The following ARFGEF2 variants were observed in gnomAD, a reference collection of about 807,000 sequenced individuals.
ARFGEF2 encodes the protein brefeldin A-inhibited guanine nucleotide-exchange protein 2.
Under a neutral mutation model 219.9 loss-of-function variants are expected in ARFGEF2, and 74 were observed. The ratio of observed to expected loss-of-function variants is 0.34; its 90% CI spans 0.28 to 0.41. ARFGEF2 has a LOEUF of 0.41. Among genes scored for constraint, ARFGEF2 ranks in the 10% least tolerant of loss-of-function variants. The pLI is 1.00. For missense variants in ARFGEF2, 1,743 were observed against 2,218.3 expected (o/e 0.79, Z 4.30); for synonymous variants, 733 against 799.2 (o/e 0.92, Z 1.40).
chr20:48,967,342 A>G (rs1290187867), intron 8 of ARFGEF2, among the ~76,000 whole-genome samples: 2 of 152,238 alleles, frequency 1.3e-5, no homozygotes, highest in Admixed American at 6.5e-5. Flanking sequence ...CTATTAACCA[A>G]TTCCCTATTG....
chr20:48,941,050 C>A (rs1205979406), intron 1 of ARFGEF2, 149 bp from the exon 2 acceptor site: 19 of 727,644 alleles, frequency 2.6e-5, no homozygotes, highest in Non-Finnish European at 4.3e-5. Flanking sequence ...ATTGCTGTTA[C>A]AATTATTTCT....
intron 33 of ARFGEF2, among the ~76,000 whole-genome samples, chr20:49,018,037 C>T (rs1334187598): frequency 6.6e-6 from 1 of 152,156 alleles, no homozygotes; most frequent in Non-Finnish European, 1.5e-5. Context: ...TTCCTCTTCA[C>T]CAAAGAAGTG....
At chr20:49,010,199 A>G in intron 26 of ARFGEF2, 33 bp from the exon 27 acceptor site, 5 of 1,604,914 alleles carry the variant, frequency 3.1e-6, no homozygotes, top group Non-Finnish European at 4.3e-6. Flanking sequence ...TCTCCAAAGT[A>G]CAGACGATAT....
At chr20:48,934,757 A>T (rs1024505040) in intron 1 of ARFGEF2, among the ~76,000 whole-genome samples, 2 of 152,168 alleles carry the variant, frequency 1.3e-5, no homozygotes, top group African/African-American at 4.8e-5. Context: ...TCTATCATTA[A>T]TGGGCATTCG....
chr20:48,999,442 C>A (rs2091411195), intron 25 of ARFGEF2, among the ~76,000 whole-genome samples: 1 of 151,828 alleles, frequency 6.6e-6, no homozygotes, highest in Admixed American at 6.6e-5. Context: ...AAACTGGGAA[C>A]AAAGCAATCA....
chr20:48,999,525 G>T (rs1358187692), intron 25 of ARFGEF2, among the ~76,000 whole-genome samples: 1 of 152,242 alleles, frequency 6.6e-6, no homozygotes, highest in South Asian at 2.1e-4. Flanking sequence ...GAGGCAGGTG[G>T]ATCACAGGTC....
At chr20:48,966,811 A>G (rs930758958) in intron 8 of ARFGEF2, among the ~76,000 whole-genome samples, 2 of 152,138 alleles carry the variant, frequency 1.3e-5, no homozygotes, top group East Asian at 1.9e-4. Context: ...TGCTACATGT[A>G]TATCTGTGCT....
At chr20:49,020,199 T>C (rs2123547196) in intron 34 of ARFGEF2, among the ~76,000 whole-genome samples, 1 of 152,334 alleles carries the variant, frequency 6.6e-6, no homozygotes, top group African/African-American at 2.4e-5. Context: ...TGTGCCCCAT[T>C]GTTTGCCTTT....
intron 2 of ARFGEF2, 130 bp downstream of exon 2, chr20:48,941,359 G>T: frequency 1.1e-6 from 1 of 948,308 alleles, no homozygotes; most frequent in South Asian, 1.4e-5. Context: ...CTGCAAGCAT[G>T]GTGCTAGGCA....
intron 1 of ARFGEF2, among the ~76,000 whole-genome samples, chr20:48,936,100 C>T (rs1189429905): frequency 7.3e-6 from 1 of 136,554 alleles, no homozygotes; most frequent in African/African-American, 2.8e-5. Context: ...CCCTCCCGGA[C>T]GGGGCGGCTG....
At chr20:48,961,956 A>C (rs1312371026) in intron 6 of ARFGEF2, among the ~76,000 whole-genome samples, 1 of 151,992 alleles carries the variant, frequency 6.6e-6, no homozygotes, top group East Asian at 1.9e-4. Context: ...AGGTGGGTGG[A>C]TCACCTGAGG....
intron 37 of ARFGEF2, 66 bp from the exon 38 acceptor site, chr20:49,031,983 G>T: frequency 9.4e-7 from 1 of 1,064,468 alleles, no homozygotes; most frequent in Non-Finnish European, 1.5e-6. Context: ...AGAATGAATA[G>T]TTCTCCCCTG....
At position 48,922,025 on chromosome 20, in the gene ARFGEF2, C is replaced by T; in HGVS notation, c.121+15C>T. On this transcript the variant is annotated intron_variant, in intron 1 of 38. Coordinates refer to ENST00000371917, the MANE Select transcript of ARFGEF2 (RefSeq NM_006420.3). ...GGTGGCGCTCGGTGGGTGAGCCGCTCCCGCCCTGCCCCGCGCTGGCCTCAG... is the reference window on the plus strand; with the variant it reads ...GGTGGCGCTCGGTGGGTGAGCCGCTTCCGCCCTGCCCCGCGCTGGCCTCAG... 6.4e-7 allele frequency: 1 copy of T among 1,569,336 alleles called. No homozygotes were observed. Among genetic ancestry groups the T allele is most frequent in the Non-Finnish European group, 8.6e-7 (1 of 1,157,916 alleles).
chr20:48,952,669 G>A (rs200271741), intron 4 of ARFGEF2, 36 bp from the exon 5 acceptor site: 80 of 1,607,732 alleles, frequency 5.0e-5, no homozygotes, highest in Admixed American at 1.7e-5. Context: ...GGTGATGTGC[G>A]TTCCTGATGG....
chr20:48,932,268 A>G (rs2090917846), intron 1 of ARFGEF2, among the ~76,000 whole-genome samples: 1 of 152,144 alleles, frequency 6.6e-6, no homozygotes, highest in Non-Finnish European at 1.5e-5. Flanking sequence ...GCCCACTTCT[A>G]ATTTCTGAGT....
intron 14 of ARFGEF2, among the ~76,000 whole-genome samples, chr20:48,982,980 A>G (rs2091306034): frequency 6.6e-6 from 1 of 152,138 alleles, no homozygotes; most frequent in Non-Finnish European, 1.5e-5. Flanking sequence ...GCCCTGCTTC[A>G]GCTCACCCTA....
chr20:48,955,108 C>A (rs1247640194), intron 6 of ARFGEF2, among the ~76,000 whole-genome samples: 1 of 152,166 alleles, frequency 6.6e-6, no homozygotes, highest in Non-Finnish European at 1.5e-5. Flanking sequence ...CCTGCTCAAA[C>A]CCCTTTGGTA....
chr20:48,950,319 G>T (rs917935306), intron 3 of ARFGEF2, among the ~76,000 whole-genome samples: 3 of 151,992 alleles, frequency 2.0e-5, no homozygotes, highest in Non-Finnish European at 4.4e-5. Flanking sequence ...AAAATGAAAA[G>T]ATGTACTACA....
Position 48,969,160 on chromosome 20 carries a change from A to C in ARFGEF2, c.1073A>C (p.Gln358Pro). 6.2e-7 allele frequency: 1 copy of C among 1,614,062 alleles called. No homozygotes were observed. The highest frequency in any genetic ancestry group is 8.5e-7 in the Non-Finnish European group (1 of 1,179,968). The change falls in exon 9 of 39, where the codon CAA (glutamine) becomes CCA (proline). Residue 358 changes from glutamine to proline, a missense_variant. Gln to Pro is a moderately conservative substitution (Grantham distance 76). Coordinates refer to ENST00000371917, the MANE Select transcript of ARFGEF2 (RefSeq NM_006420.3). ...SSADNLESDA[Q>P]GHQVAARFSH... ...TTCTGATCCTAGGAATCGGATGCACAAGGACATCAAGTGGCTGCCAGGTTC... is the reference window on the plus strand; with the variant it reads ...TTCTGATCCTAGGAATCGGATGCACCAGGACATCAAGTGGCTGCCAGGTTC...
Sources: allele counts gnomAD v4.1 joint callset (sites outside exome capture counted in the v4.1 genomes callset), GRCh38; gene constraint gnomAD v4.1.1; transcripts MANE v1.5; gene names NCBI Gene and HGNC (gene_info 2026-07-23, HGNC 2026-07-21).